Variants in CCDC92B observed in about 807,000 individuals in gnomAD.
CCDC92B encodes the protein coiled-coil domain-containing 92B.
In CCDC92B, 2 loss-of-function variants were observed where a neutral mutation model predicts 5.6. That is an observed-to-expected ratio of 0.36 (90% CI 0.15 to 1.12). CCDC92B has a LOEUF of 1.12. Among genes scored for constraint, CCDC92B ranks in the 50% most tolerant of loss-of-function variants. The probability of loss-of-function intolerance (pLI) is 0.40; values close to 1 mark genes in which losing one functional copy is unlikely to be tolerated. For synonymous variants in CCDC92B, 115 were observed against 122.3 expected (o/e 0.94, Z 0.39); for missense variants, 271 against 262.2 (o/e 1.03, Z -0.23).
intron 1 of CCDC92B, 138 bp from the exon 2 acceptor site, chr17:2,735,306 CTA>C (rs1404769050): frequency 1.2e-5 from 5 of 409,508 alleles, no homozygotes; most frequent in African/African-American, 2.2e-5. Flanking sequence ...CACCTCCACA[CTA>C]TTCCTTCATT....
chr17:2,739,446 A>C (rs574719191), intron 1 of CCDC92B, among the ~76,000 whole-genome samples: 4 of 151,608 alleles, frequency 2.6e-5, no homozygotes, highest in Admixed American at 1.3e-4. Context: ...TTTGGGAGGC[A>C]GAGGCAGGCA....
In CCDC92B at chr17:2,724,427, G is replaced by A. The variant is rs1000502051; in HGVS notation, c.752C>T (p.Pro251Leu). The change falls in exon 4 of 4, where the codon CCC becomes CTC. Residue 251 changes from proline to leucine, a missense_variant. Coordinates refer to ENST00000614400, the MANE Select transcript of CCDC92B (RefSeq NM_001355573.2). This position sits in a 1 kb window ranked among gnomAD's most constrained non-coding sequence, Gnocchi z 5.0. Reference sequence around the variant, plus strand: ...GCCTGGCGCCTACTCCGGGTCCCCGGGCGCGCTGGGCTGGCTGGGCGCGGG... The same window carrying A: ...GCCTGGCGCCTACTCCGGGTCCCCGAGCGCGCTGGGCTGGCTGGGCGCGGG... ...PQPAPSQPSA[P>L]GDPE 1.2e-5 allele frequency: 12 copies of A among 984,568 alleles called. No individual in the cohort carries two copies. The highest frequency in any genetic ancestry group is 6.2e-5 in the Admixed American group (1 of 16,196). The allele number at this position is 984,568 out of a possible 1,614,324, so 61.0% of individuals were successfully genotyped here. A position where few individuals can be genotyped will look rare whatever the true frequency, so the allele number is the denominator to read the frequency against.
chr17:2,724,291 C>T lies in CCDC92B; in HGVS notation c.*120G>A. The T allele has an allele frequency of 1.0e-6, 1 of 985,308 alleles. No individual in the cohort carries two copies. 61.0% of individuals were successfully genotyped at this position (985,308 alleles called of 1,614,324 possible). ...GATTTGGGGGGAGCCGGGGCCGCCT[C>T]GCCCCGCTTCCTGGAGGAGGGGCGG... On this transcript the variant is annotated 3_prime_UTR_variant, in exon 4 of 4. Coordinates refer to ENST00000614400, the MANE Select transcript of CCDC92B (RefSeq NM_001355573.2). This position sits in a 1 kb window ranked among gnomAD's most constrained non-coding sequence, Gnocchi z 5.0.
intron 1 of CCDC92B, among the ~76,000 whole-genome samples, chr17:2,736,412 G>A (rs142302936): frequency 0.024 from 3,592 of 151,970 alleles, 146 homozygotes; most frequent in African/African-American, 0.082. Context: ...GGGCGACAGG[G>A]TGAGACTCTG....
Position 2,722,920 on chromosome 17 carries a change from GC to G in CCDC92B, c.*1490del, listed in dbSNP as rs1453078668. 1.3e-5 allele frequency: 2 copies of G among 152,526 alleles called. No homozygotes were observed. Among genetic ancestry groups the G allele is most frequent in the Non-Finnish European group, 2.9e-5 (2 of 68,290 alleles). 9.4% of individuals were successfully genotyped at this position (152,526 alleles called of 1,614,324 possible). On this transcript the variant is annotated 3_prime_UTR_variant, in exon 4 of 4. Coordinates refer to ENST00000614400, the MANE Select transcript of CCDC92B (RefSeq NM_001355573.2). ...TGGGCTGGGGGTGGGGGAATAAGCT[GC>G]GCTGAAACTGTCCTTCCTGCCTTTG... is the stretch of plus-strand genomic sequence containing the variant.
Position 2,723,933 on chromosome 17 carries a change from G to A in CCDC92B, c.*478C>T, listed in dbSNP as rs1024132241. 4.1e-6 allele frequency: 4 copies of A among 978,876 alleles called. No individual in the cohort carries two copies. The South Asian group carries it at 1.9e-4, about 47-fold the overall frequency. 60.6% of individuals were successfully genotyped at this position (978,876 alleles called of 1,614,324 possible). On this transcript the variant is annotated 3_prime_UTR_variant, in exon 4 of 4. Coordinates refer to ENST00000614400, the MANE Select transcript of CCDC92B (RefSeq NM_001355573.2). ...CCCTAGCCTGGGCCTCTCCTGGGGA[G>A]GAAGAAGGCTTGGCGGGAAGGGCGT...
At chr17:2,739,596 G>A (rs561953292) in intron 1 of CCDC92B, among the ~76,000 whole-genome samples, 4 of 150,858 alleles carry the variant, frequency 2.7e-5, no homozygotes, top group South Asian at 4.2e-4. Context: ...GCAGGAGAAC[G>A]GCGTGAACCC....
At position 2,723,966 on chromosome 17, in the gene CCDC92B, G is replaced by C; in HGVS notation, c.*445C>G. Reference sequence around the variant, plus strand: ...GCTTGGCGGGAAGGGCGTCGGCGCGGGGGTGGGGGAGGCGGGGGGTGGGGA... The same window carrying C: ...GCTTGGCGGGAAGGGCGTCGGCGCGCGGGTGGGGGAGGCGGGGGGTGGGGA... On this transcript the variant is annotated 3_prime_UTR_variant, in exon 4 of 4. Transcript: ENST00000614400. 1.0e-6 allele frequency: 1 copy of C among 975,430 alleles called. No homozygotes were observed. The highest frequency in any genetic ancestry group is 1.2e-6 in the Non-Finnish European group (1 of 821,204). 60.4% of individuals were successfully genotyped at this position (975,430 alleles called of 1,614,324 possible).
intron 1 of CCDC92B, chr17:2,748,077 A>T (rs767369851): frequency 3.8e-6 from 2 of 526,098 alleles, no homozygotes; most frequent in East Asian, 1.1e-4. Context: ...CCTGGCGTTT[A>T]TGGCTTCTCA....
Position 2,730,923 on chromosome 17 carries a change from G to A in CCDC92B, c.131-430C>T, listed in dbSNP as rs538669804. ...ACCCTTTCGTGTTTAGCTGATGGCC[G>A]CTGGAGTGTCCAGAACTGCCTGGCG... On this transcript the variant is annotated intron_variant, in intron 2 of 3. Transcript: ENST00000614400. Among the ~76,000 whole-genome samples, 213 of 152,318 alleles carry A rather than the reference G, an allele frequency of 1.4e-3. 1 individual carries two copies. The highest frequency in any genetic ancestry group is 4.9e-3 in the African/African-American group (204 of 41,574).
At position 2,722,617 on chromosome 17, in the gene CCDC92B, A is replaced by C. The variant is rs1168231680; in HGVS notation, c.*1794T>G. On this transcript the variant is annotated 3_prime_UTR_variant, in exon 4 of 4. Coordinates refer to ENST00000614400, the MANE Select transcript of CCDC92B (RefSeq NM_001355573.2). ...GGAGAGAAAGGGGGTGTGATCTGGG[A>C]CTCCCCCTTCTTCATGGGGCTGTGA... The C allele has an allele frequency of 6.6e-6, 1 of 151,162 alleles. No homozygotes were observed. The highest frequency in any genetic ancestry group is 1.5e-5 in the Non-Finnish European group (1 of 67,850). The allele number at this position is 151,162 out of a possible 1,614,324, so 9.4% of individuals were successfully genotyped here.
intron 3 of CCDC92B, among the ~76,000 whole-genome samples, chr17:2,725,840 T>A (rs2070722227): frequency 6.6e-6 from 1 of 151,120 alleles, no homozygotes; most frequent in Admixed American, 6.6e-5. Flanking sequence ...TAAACAGGAG[T>A]TAAGTAGTGA....
intron 2 of CCDC92B, among the ~76,000 whole-genome samples, chr17:2,731,915 G>A (rs1186073746): frequency 1.3e-5 from 2 of 152,194 alleles, no homozygotes; most frequent in African/African-American, 2.4e-5. Flanking sequence ...TTGGGGGTAG[G>A]GAGATAAAAA....
At chr17:2,725,378 G>A (rs1597232109) in intron 3 of CCDC92B, among the ~76,000 whole-genome samples, 1 of 151,734 alleles carries the variant, frequency 6.6e-6, no homozygotes, top group Non-Finnish European at 1.5e-5. Context: ...ACGAGATTCC[G>A]TCTCAAAAAG....
Position 2,724,810 on chromosome 17 carries a change from G to C in CCDC92B, c.369C>G (p.Ala123=). The change falls in exon 4 of 4, where the codon GCC becomes GCG. Residue 123 remains alanine, a synonymous_variant. Coordinates refer to ENST00000614400, the MANE Select transcript of CCDC92B (RefSeq NM_001355573.2). The surrounding 1 kb of genome is among the most constrained non-coding windows in gnomAD (Gnocchi z 5.0). ...LEELRRRSHR[A]TVLGTELQKH... ...TCTGCAGCTCGGTGCCCAGCACGGT[G>C]GCGCGGTGGCTGCGGCGGCGCAGCT... The C allele has an allele frequency of 1.1e-5, 11 of 984,970 alleles. No homozygotes were observed. The highest frequency in any genetic ancestry group is 1.3e-5 in the Non-Finnish European group (11 of 829,804). The allele number at this position is 984,970 out of a possible 1,614,324, so 61.0% of individuals were successfully genotyped here. A position where few individuals can be genotyped will look rare whatever the true frequency, so the allele number is the denominator to read the frequency against.
At chr17:2,743,628 C>A (rs2070949544) in intron 1 of CCDC92B, among the ~76,000 whole-genome samples, 1 of 152,132 alleles carries the variant, frequency 6.6e-6, no homozygotes, top group African/African-American at 2.4e-5. Context: ...CTGAATGTGC[C>A]CAGCACACTC....
chr17:2,732,282 C>T (rs79350375), intron 2 of CCDC92B, among the ~76,000 whole-genome samples: 6,789 of 152,290 alleles, frequency 0.045, 436 homozygotes, highest in East Asian at 0.27. Flanking sequence ...AACCGCCTCC[C>T]AGCTCTGGGT....
rs1377618613 is a variant in CCDC92B, at chr17:2,722,755, G to A, written c.*1656C>T. The A allele has an allele frequency of 6.6e-6, 1 of 152,572 alleles. No individual in the cohort carries two copies. Among genetic ancestry groups the A allele is most frequent in the Admixed American group, 6.5e-5 (1 of 15,286 alleles). The allele number at this position is 152,572 out of a possible 1,614,324, so 9.5% of individuals were successfully genotyped here. On this transcript the variant is annotated 3_prime_UTR_variant, in exon 4 of 4. Coordinates refer to ENST00000614400, the MANE Select transcript of CCDC92B (RefSeq NM_001355573.2). ...AGGACCTGTCAGGAAAGGGGTGTCT[G>A]TGAGGGAGGCAAAGGCCTCTCCCTG...
At chr17:2,736,529 G>A (rs923497318) in intron 1 of CCDC92B, among the ~76,000 whole-genome samples, 5 of 151,880 alleles carry the variant, frequency 3.3e-5, no homozygotes, top group African/African-American at 9.7e-5. Context: ...GGAAGACTGC[G>A]TGAGTCCAGG....
Sources: allele counts gnomAD v4.1 joint callset (sites outside exome capture counted in the v4.1 genomes callset), GRCh38; gene constraint gnomAD v4.1.1; non-coding constraint Gnocchi (gnomAD v3.1); transcripts MANE v1.5; gene names NCBI Gene and HGNC (gene_info 2026-07-23, HGNC 2026-07-21).